The following MARCHF1 variants were observed in gnomAD, a reference collection of about 807,000 sequenced individuals.
MARCHF1 encodes E3 ubiquitin-protein ligase MARCHF1.
A neutral mutation model predicts 54.2 loss-of-function variants in MARCHF1; 40 were observed. That is an observed-to-expected ratio of 0.74 (90% CI 0.57 to 0.96). The LOEUF is 0.96. Ranked by LOEUF, MARCHF1 falls within the 40% of genes least tolerant of loss-of-function variation. The probability of loss-of-function intolerance (pLI) is 0.00; values close to 1 mark genes in which losing one functional copy is unlikely to be tolerated. For synonymous variants in MARCHF1, 236 were observed against 236.3 expected, an observed-to-expected ratio of 1.00 and a Z score of 0.01; for missense variants, 586 against 656.5, an observed-to-expected ratio of 0.89 and a Z score of 1.17.
chr4:163,529,045 A>G lies in MARCHF1; in HGVS notation c.1341T>C (p.Gly447=), dbSNP rs767487893. 4.5e-5 allele frequency: 72 copies of G among 1,590,690 alleles called. No individual in the cohort carries two copies. The highest frequency in any genetic ancestry group is 1.1e-5 in the South Asian group (1 of 88,664). Residue 447 remains glycine, a splice_region_variant and synonymous_variant, in exon 10 of 10, where the codon GGT becomes GGC. Transcript: ENST00000514618. ...AEEIKQGNDN[G]VLEWPFWTKL... ...TTGTCCAAAATGGCCATTCAAGGAC[A>G]CCTTTGAAATGAAAAAGAGAAAATG...
chr4:163,797,775 T>G (rs752624764), intron 4 of MARCHF1, among the ~76,000 whole-genome samples: 1 of 152,154 alleles, frequency 6.6e-6, no homozygotes, highest in Non-Finnish European at 1.5e-5. Flanking sequence ...TTATCCACAA[T>G]TTATACTTTC....
At chr4:164,091,404 CAA>C (rs1755296354) in intron 2 of MARCHF1, among the ~76,000 whole-genome samples, 1 of 58,802 alleles carries the variant, frequency 1.7e-5, no homozygotes, top group South Asian at 5.4e-4. Context: ...TAATTTTCAC[CAA>C]GTTTTATATA....
chr4:163,776,066 G>A (rs1338470770), intron 4 of MARCHF1, among the ~76,000 whole-genome samples: 1 of 152,046 alleles, frequency 6.6e-6, no homozygotes. Flanking sequence ...GAGATGGAGA[G>A]AAAAATAGAA....
At chr4:163,796,518 T>G (rs979131539) in intron 4 of MARCHF1, among the ~76,000 whole-genome samples, 1 of 152,162 alleles carries the variant, frequency 6.6e-6, no homozygotes, top group Non-Finnish European at 1.5e-5. Context: ...TTTGTTCTCT[T>G]TTTTCCAGGA....
At chr4:163,655,563 G>A (rs1394231078) in intron 5 of MARCHF1, among the ~76,000 whole-genome samples, 1 of 151,708 alleles carries the variant, frequency 6.6e-6, no homozygotes, top group Non-Finnish European at 1.5e-5. Context: ...GGACCTGATA[G>A]GTATCTACAG....
At chr4:163,722,067 G>T (rs1264168401) in intron 4 of MARCHF1, among the ~76,000 whole-genome samples, 1 of 151,966 alleles carries the variant, frequency 6.6e-6, no homozygotes, top group African/African-American at 2.4e-5. Context: ...CTTGCCTTCT[G>T]CTAGCTTTTG....
chr4:164,211,395 C>T (rs893173401), intron 1 of MARCHF1, among the ~76,000 whole-genome samples: 2 of 148,210 alleles, frequency 1.3e-5, no homozygotes, highest in Non-Finnish European at 3.0e-5. Context: ...TATACACACA[C>T]ACATATATAT....
intron 3 of MARCHF1, among the ~76,000 whole-genome samples, chr4:163,912,127 A>G (rs968648948): frequency 6.6e-6 from 1 of 151,748 alleles, no homozygotes; most frequent in Non-Finnish European, 1.5e-5. Context: ...GCCAGCAGGG[A>G]AAAAAACGAG....
At chr4:164,004,568 T>A (rs966356931) in intron 2 of MARCHF1, among the ~76,000 whole-genome samples, 2 of 151,942 alleles carry the variant, frequency 1.3e-5, no homozygotes, top group Non-Finnish European at 2.9e-5. Context: ...AAATAAAATA[T>A]TCACAAAAAT....
intron 1 of MARCHF1, among the ~76,000 whole-genome samples, chr4:164,131,768 AT>A (rs1277630657): frequency 1.3e-5 from 2 of 152,108 alleles, no homozygotes; most frequent in Non-Finnish European, 2.9e-5. Context: ...CACCATATTA[AT>A]TAGTTTAACG....
intron 1 of MARCHF1, among the ~76,000 whole-genome samples, chr4:164,296,487 AGCTTCCC>A (rs1464853086): frequency 6.6e-6 from 1 of 152,136 alleles, no homozygotes. Flanking sequence ...ATTCTGCCTC[AGCTTCCC>A]GAGTAGGTGG....
At chr4:163,590,917 C>T (rs139658276) in intron 7 of MARCHF1, among the ~76,000 whole-genome samples, 29 of 151,850 alleles carry the variant, frequency 1.9e-4, no homozygotes, top group Admixed American at 1.2e-3. Flanking sequence ...TTTGTAGTTC[C>T]GCCCATCTAT....
At chr4:163,628,143 G>A (rs977488643) in intron 5 of MARCHF1, among the ~76,000 whole-genome samples, 75 of 152,158 alleles carry the variant, frequency 4.9e-4, no homozygotes, top group African/African-American at 1.5e-3. Context: ...AAAATGCAAA[G>A]TGCACATTAA....
chr4:164,169,310 G>C (rs893981248), intron 1 of MARCHF1, among the ~76,000 whole-genome samples: 3 of 152,010 alleles, frequency 2.0e-5, no homozygotes, highest in Admixed American at 6.6e-5. Flanking sequence ...GTCTCTTCCT[G>C]TATTTCTCCT....
chr4:163,991,899 T>C (rs1381877462), intron 2 of MARCHF1, among the ~76,000 whole-genome samples: 2 of 151,998 alleles, frequency 1.3e-5, no homozygotes, highest in Non-Finnish European at 2.9e-5. Context: ...TTGGCATTTT[T>C]ACATATTAAC....
chr4:163,546,834 C>T (rs1738927095), intron 8 of MARCHF1, among the ~76,000 whole-genome samples: 1 of 152,194 alleles, frequency 6.6e-6, no homozygotes, highest in African/African-American at 2.4e-5. Context: ...GAATATCTCC[C>T]ATATTTACTT....
At chr4:164,269,486 C>T (rs1250924427) in intron 1 of MARCHF1, among the ~76,000 whole-genome samples, 3 of 152,116 alleles carry the variant, frequency 2.0e-5, no homozygotes, top group Admixed American at 6.6e-5. Flanking sequence ...TTTTCCTTAC[C>T]TCAACCTCTT....
chr4:164,183,743 G>C (rs1730893717), intron 1 of MARCHF1, among the ~76,000 whole-genome samples: 1 of 152,150 alleles, frequency 6.6e-6, no homozygotes, highest in African/African-American at 2.4e-5. Flanking sequence ...ATACAGCAGA[G>C]GAAGAAGCCA....
chr4:164,096,258 C>A (rs1303578093), intron 2 of MARCHF1, among the ~76,000 whole-genome samples: 4 of 152,108 alleles, frequency 2.6e-5, no homozygotes, highest in Non-Finnish European at 4.4e-5. Flanking sequence ...AAATCATATC[C>A]TTTGCAGCAA....
Sources: gnomAD v4.1 joint callset for allele counts (sites outside exome capture counted in the v4.1 genomes callset) on GRCh38, gnomAD v4.1.1 for gene constraint, MANE v1.5 for transcripts, NCBI Gene and HGNC (gene_info 2026-07-23, HGNC 2026-07-21) for gene names.